The following CEP128 variants were observed in gnomAD, a reference collection of about 807,000 sequenced individuals.
CEP128 encodes centrosomal protein 128, also known as centrosomal protein 128kDa.
CEP128 carries 132 observed loss-of-function variants against 156.7 expected under a neutral mutation model. That is an observed-to-expected ratio of 0.84 (90% CI 0.73 to 0.97). CEP128 has a LOEUF of 0.97. Ranked by LOEUF, CEP128 falls within the 50% of genes least tolerant of loss-of-function variation. The pLI, the probability that CEP128 is intolerant of heterozygous loss-of-function variation, is 0.00. For missense variants in CEP128, 1,252 were observed against 1,281.9 expected (o/e 0.98, Z 0.36); for synonymous variants, 469 against 448.9 (o/e 1.04, Z -0.57).
intron 21 of CEP128, among the ~76,000 whole-genome samples, chr14:80,558,090 G>T (rs1253874859): frequency 6.6e-6 from 1 of 152,048 alleles, no homozygotes; most frequent in Non-Finnish European, 1.5e-5. Flanking sequence ...TAATTCTTAT[G>T]TAACTGATCA....
At chr14:80,644,363 T>C (rs1170238187) in intron 19 of CEP128, among the ~76,000 whole-genome samples, 1 of 152,170 alleles carries the variant, frequency 6.6e-6, no homozygotes, top group Non-Finnish European at 1.5e-5. Flanking sequence ...AGGACTCCCC[T>C]AAAATACTTG....
chr14:80,718,967 T>G (rs1445092059), intron 19 of CEP128, among the ~76,000 whole-genome samples: 5 of 152,180 alleles, frequency 3.3e-5, no homozygotes, highest in Non-Finnish European at 5.9e-5. Flanking sequence ...TATAACCTTT[T>G]GATGAAGGAG....
chr14:80,632,683 T>C (rs760310721), intron 19 of CEP128, among the ~76,000 whole-genome samples: 2 of 152,036 alleles, frequency 1.3e-5, no homozygotes, highest in Non-Finnish European at 2.9e-5. Context: ...TGAATGGGCA[T>C]GTGGGTCATT....
downstream of CEP128, among the ~76,000 whole-genome samples, chr14:80,493,155 G>A (rs978798239): frequency 6.6e-6 from 1 of 152,114 alleles, no homozygotes; most frequent in Non-Finnish European, 1.5e-5. Context: ...GGTCCTATGG[G>A]GCTACAAAAG....
chr14:80,869,891 A>G (rs1268235599), intron 8 of CEP128, among the ~76,000 whole-genome samples: 2 of 152,074 alleles, frequency 1.3e-5, no homozygotes, highest in Admixed American at 6.5e-5. Flanking sequence ...ACTCAAGTCA[A>G]TAAAATCAAA....
At chr14:80,530,738 G>T in intron 22 of CEP128, 71 bp downstream of exon 22, 3 of 1,059,634 alleles carry the variant, frequency 2.8e-6, no homozygotes, top group South Asian at 1.7e-5. Flanking sequence ...ACTTTTCTTT[G>T]CACATCAGGA....
intron 19 of CEP128, among the ~76,000 whole-genome samples, chr14:80,674,073 T>C (rs1440786539): frequency 1.9e-5 from 1 of 53,886 alleles, no homozygotes; most frequent in South Asian, 3.8e-4. Flanking sequence ...TAATTCATAG[T>C]TTTTTTTTTT....
chr14:80,746,573 T>C (rs149705764), intron 18 of CEP128, among the ~76,000 whole-genome samples: 20 of 152,224 alleles, frequency 1.3e-4, no homozygotes, highest in African/African-American at 4.6e-4. Context: ...CTTCACACCA[T>C]ATACAAAAAC....
intron 19 of CEP128, among the ~76,000 whole-genome samples, chr14:80,595,818 G>A (rs1892290301): frequency 6.6e-6 from 1 of 152,138 alleles, no homozygotes; most frequent in Non-Finnish European, 1.5e-5. Flanking sequence ...AGGCAAGGAG[G>A]AGCAAAGTCA....
intron 13 of CEP128, among the ~76,000 whole-genome samples, chr14:80,802,202 A>C (rs1439358177): frequency 1.3e-5 from 2 of 152,132 alleles, no homozygotes; most frequent in Non-Finnish European, 2.9e-5. Context: ...TACTCAAAGG[A>C]ATATAAATCA....
intron 8 of CEP128, among the ~76,000 whole-genome samples, chr14:80,867,941 A>G (rs1887846333): frequency 6.6e-6 from 1 of 152,164 alleles, no homozygotes; most frequent in Non-Finnish European, 1.5e-5. Context: ...AAAAACAAAG[A>G]GAAAATGCCG....
intron 19 of CEP128, among the ~76,000 whole-genome samples, chr14:80,642,210 G>A (rs1894445172): frequency 6.6e-6 from 1 of 152,104 alleles, no homozygotes; most frequent in South Asian, 2.1e-4. Context: ...GAAGCAGTTT[G>A]TCTGAAAGAT....
chr14:80,611,222 CT>C (rs1275592535), intron 19 of CEP128, among the ~76,000 whole-genome samples: 1 of 150,266 alleles, frequency 6.7e-6, no homozygotes, highest in Non-Finnish European at 1.5e-5. Flanking sequence ...TTCAATTAAG[CT>C]TTATTAAACA....
chr14:80,676,146 A>G (rs1240375743), intron 19 of CEP128, among the ~76,000 whole-genome samples: 52 of 152,142 alleles, frequency 3.4e-4, no homozygotes, highest in Non-Finnish European at 1.6e-4. Flanking sequence ...ATTTTCAAAG[A>G]GCTGAACATC....
At chr14:80,714,866 C>G (rs1437650275) in intron 19 of CEP128, among the ~76,000 whole-genome samples, 2 of 152,020 alleles carry the variant, frequency 1.3e-5, no homozygotes, top group African/African-American at 4.8e-5. Context: ...AAGCAATTTC[C>G]ACCCTAAACC....
chr14:80,695,170 C>G (rs1167002642), intron 19 of CEP128, among the ~76,000 whole-genome samples: 1 of 149,696 alleles, frequency 6.7e-6, no homozygotes. Flanking sequence ...AGTTGCCCAT[C>G]ATGGGAAAAT....
At chr14:80,575,503 G>A (rs1891317408) in intron 20 of CEP128, among the ~76,000 whole-genome samples, 1 of 152,106 alleles carries the variant, frequency 6.6e-6, no homozygotes, top group Admixed American at 6.5e-5. Flanking sequence ...AGTTGACCAT[G>A]GCAGGGGGGA....
At chr14:80,749,656 A>C (rs1899287662) in intron 18 of CEP128, among the ~76,000 whole-genome samples, 1 of 152,208 alleles carries the variant, frequency 6.6e-6, no homozygotes. Context: ...GAGGCAGTGC[A>C]TATGGTTAAT....
chr14:80,785,518 T>C lies in CEP128; in HGVS notation c.1588A>G (p.Thr530Ala). Residue 530 changes from threonine (T) to alanine (A), a missense_variant, in exon 15 of 25, where the codon ACC becomes GCC. Physicochemically the swap from Thr to Ala is moderately conservative, Grantham distance 58. Transcript: ENST00000555265. ...TGTTGTAATGCTGCATACAGCTGGG[T>C]TTTCAATTCATCCTTTTCTTTTAAA... ...QILKEKDELKTQLYAALQQIE... is the reference protein window; with the variant it reads ...QILKEKDELKAQLYAALQQIE... 1 of 1,609,908 alleles carries C rather than the reference T, an allele frequency of 6.2e-7. No homozygotes were observed. The highest frequency in any genetic ancestry group is 1.1e-5 in the South Asian group (1 of 90,144).
Sources: allele counts gnomAD v4.1 joint callset (sites outside exome capture counted in the v4.1 genomes callset), GRCh38; gene constraint gnomAD v4.1.1; transcripts MANE v1.5; gene names NCBI Gene and HGNC (gene_info 2026-07-23, HGNC 2026-07-21).